FUT9: variants seen among roughly 807,000 people sequenced by gnomAD.
FUT9 encodes the protein fucosyltransferase 9, also known as 4-galactosyl-N-acetylglucosaminide 3-alpha-L-fucosyltransferase 9.
A neutral mutation model predicts 29.7 loss-of-function variants in FUT9; 15 were observed. The ratio of observed to expected loss-of-function variants is 0.51; its 90% CI spans 0.34 to 0.78. FUT9 has a LOEUF of 0.78. FUT9 is among the 30% of genes least tolerant of loss of function. FUT9 has a pLI of 0.01. For missense variants in FUT9, 319 were observed against 425.4 expected (o/e 0.75, Z 2.20); for synonymous variants, 169 against 153.7 (o/e 1.10, Z -0.74).
At position 96,057,311 on chromosome 6, in the gene FUT9, G is replaced by T. The variant is rs754795961; in HGVS notation, c.-98+41099G>T. On this transcript the variant is annotated intron_variant, in intron 1 of 2. Coordinates refer to ENST00000302103, the MANE Select transcript of FUT9 (RefSeq NM_006581.4). ...CCTAGAAGAGTGGTAAAATATTGCA[G>T]TTTGAGTGTCTACTTCTTTATTTTA... Among the ~76,000 whole-genome samples the T allele has an allele frequency of 2.6e-5, 4 of 152,122 alleles. No individual in the cohort carries two copies. In the South Asian group the frequency reaches 6.2e-4, roughly 24 times the overall value.
At chr6:96,063,553 C>A (rs1176397402) in intron 1 of FUT9, among the ~76,000 whole-genome samples, 4 of 152,160 alleles carry the variant, frequency 2.6e-5, no homozygotes, top group African/African-American at 9.7e-5. Context: ...CCAGGACCCA[C>A]CTCCAACACT....
At chr6:96,151,371 A>G (rs1372040912) in intron 2 of FUT9, among the ~76,000 whole-genome samples, 3 of 152,202 alleles carry the variant, frequency 2.0e-5, no homozygotes, top group Non-Finnish European at 4.4e-5. Flanking sequence ...ACAGAGAGAA[A>G]TGAAAATCTG....
At chr6:96,197,287 A>G (rs1283711039) in intron 2 of FUT9, among the ~76,000 whole-genome samples, 1 of 152,170 alleles carries the variant, frequency 6.6e-6, no homozygotes, top group Non-Finnish European at 1.5e-5. Flanking sequence ...GGTGATCAAA[A>G]TTGGTGTCAT....
chr6:96,193,315 C>T (rs1773554112), intron 2 of FUT9, among the ~76,000 whole-genome samples: 1 of 137,292 alleles, frequency 7.3e-6, no homozygotes. Flanking sequence ...TGACAAAGGG[C>T]TAATATCCAG....
chr6:96,032,619 T>C (rs949029670), intron 1 of FUT9, among the ~76,000 whole-genome samples: 2 of 151,630 alleles, frequency 1.3e-5, no homozygotes, highest in African/African-American at 4.8e-5. Flanking sequence ...AAAATTTTAA[T>C]GTTAAGAATA....
chr6:96,080,436 C>T (rs1352502527), intron 1 of FUT9, among the ~76,000 whole-genome samples: 3 of 151,818 alleles, frequency 2.0e-5, no homozygotes, highest in African/African-American at 4.8e-5. Flanking sequence ...GAAGAAAGAA[C>T]TGAAGTGAAG....
At chr6:96,018,233 G>C (rs1770014032) in intron 1 of FUT9, among the ~76,000 whole-genome samples, 1 of 152,148 alleles carries the variant, frequency 6.6e-6, no homozygotes, top group Non-Finnish European at 1.5e-5. Context: ...ATATCCAACA[G>C]TAATTAATCT....
Position 96,208,427 on chromosome 6 carries a change from A to G in FUT9, c.*4192A>G, listed in dbSNP as rs1360213235. On this transcript the variant is annotated 3_prime_UTR_variant, in exon 3 of 3. Coordinates refer to ENST00000302103, the MANE Select transcript of FUT9 (RefSeq NM_006581.4). ...AATTACAATCGAGCTGTTAAATATA[A>G]CAAACATCAGAATCTAAAGGATAAG... 2 of 166,862 alleles carry G rather than the reference A, an allele frequency of 1.2e-5. No individual in the cohort carries two copies. Among genetic ancestry groups the G allele is most frequent in the Non-Finnish European group, 2.9e-5 (2 of 68,022 alleles). 10.3% of individuals were successfully genotyped at this position (166,862 alleles called of 1,614,324 possible).
At chr6:96,186,764 G>A (rs1028938009) in intron 2 of FUT9, among the ~76,000 whole-genome samples, 1 of 152,078 alleles carries the variant, frequency 6.6e-6, no homozygotes, top group Non-Finnish European at 1.5e-5. Flanking sequence ...CAGGAAACCT[G>A]AGGACAGAAG....
At chr6:96,025,128 C>A (rs1358581280) in intron 1 of FUT9, among the ~76,000 whole-genome samples, 1 of 151,714 alleles carries the variant, frequency 6.6e-6, no homozygotes, top group East Asian at 1.9e-4. Context: ...ACAGATTTCC[C>A]TTTTCACACT....
chr6:96,179,559 A>C (rs971102858), intron 2 of FUT9, among the ~76,000 whole-genome samples: 1 of 152,184 alleles, frequency 6.6e-6, no homozygotes, highest in Non-Finnish European at 1.5e-5. Context: ...TGCATTATTT[A>C]AGAGGGATAC....
At chr6:96,168,889 G>A (rs1233959599) in intron 2 of FUT9, among the ~76,000 whole-genome samples, 3 of 152,176 alleles carry the variant, frequency 2.0e-5, no homozygotes, top group Admixed American at 6.5e-5. Context: ...GGGACTTACT[G>A]TACAAATCAA....
intron 1 of FUT9, among the ~76,000 whole-genome samples, chr6:96,030,098 G>A (rs961352196): frequency 6.6e-6 from 1 of 151,576 alleles, no homozygotes; most frequent in Admixed American, 6.6e-5. Flanking sequence ...GTCGAAATCA[G>A]TAACTATATA....
At chr6:96,190,658 G>C (rs1773489314) in intron 2 of FUT9, among the ~76,000 whole-genome samples, 1 of 151,684 alleles carries the variant, frequency 6.6e-6, no homozygotes, top group Non-Finnish European at 1.5e-5. Context: ...TCATTCATTT[G>C]ATCTTCAATC....
intron 1 of FUT9, among the ~76,000 whole-genome samples, chr6:96,106,287 G>A (rs1443450645): frequency 8.3e-6 from 1 of 121,118 alleles, no homozygotes; most frequent in African/African-American, 2.9e-5. Context: ...GAAGAATTGG[G>A]AGGGAGGGTT....
At chr6:96,118,699 C>T (rs1234519384) in intron 2 of FUT9, among the ~76,000 whole-genome samples, 1 of 151,928 alleles carries the variant, frequency 6.6e-6, no homozygotes, top group Non-Finnish European at 1.5e-5. Context: ...AGGAGGTATT[C>T]CAGAAGAAGG....
chr6:96,181,324 A>G (rs1773302484), intron 2 of FUT9, among the ~76,000 whole-genome samples: 1 of 152,042 alleles, frequency 6.6e-6, no homozygotes, highest in African/African-American at 2.4e-5. Context: ...TCTTTTTCAC[A>G]TTAGAACACA....
At chr6:96,080,670 C>G (rs1771220964) in intron 1 of FUT9, among the ~76,000 whole-genome samples, 1 of 151,914 alleles carries the variant, frequency 6.6e-6, no homozygotes, top group Non-Finnish European at 1.5e-5. Context: ...TCTTCCATTT[C>G]AATCCACAGT....
At chr6:96,145,121 G>A (rs9390931) in intron 2 of FUT9, among the ~76,000 whole-genome samples, 30,212 of 151,940 alleles carry the variant, frequency 0.2, 3,465 homozygotes, top group East Asian at 0.31. Context: ...GCAGTGGCAC[G>A]ATCTCGGCTC....
Sources: allele counts gnomAD v4.1 joint callset (sites outside exome capture counted in the v4.1 genomes callset), GRCh38; gene constraint gnomAD v4.1.1; transcripts MANE v1.5; gene names NCBI Gene and HGNC (gene_info 2026-07-23, HGNC 2026-07-21).